The following ADAMTS13 variants were observed in gnomAD, a reference collection of about 807,000 sequenced individuals.
ADAMTS13 encodes ADAM metallopeptidase with thrombospondin type 1 motif 13.
In ADAMTS13, 110 loss-of-function variants were observed where a neutral mutation model predicts 155.1. The observed-to-expected ratio is 0.71, with a 90% CI of 0.61 to 0.83. The LOEUF is 0.83. ADAMTS13 is among the 40% of genes least tolerant of loss of function. The pLI, the probability that ADAMTS13 is intolerant of heterozygous loss-of-function variation, is 0.00. For synonymous variants in ADAMTS13, 758 were observed against 756.4 expected (o/e 1.00, Z -0.03); for missense variants, 1,707 against 1,891.7 (o/e 0.90, Z 1.81).
chr9:133,415,937 G>A (rs1839570668), intron 1 of ADAMTS13: 1 of 152,440 alleles, frequency 6.6e-6, no homozygotes, highest in Non-Finnish European at 1.5e-5. Context: ...GGCTGAGGTG[G>A]GAGGATTGCT....
intron 1 of ADAMTS13, among the ~76,000 whole-genome samples, chr9:133,416,312 A>G (rs991804389): frequency 1.3e-5 from 2 of 152,190 alleles, no homozygotes; most frequent in Middle Eastern, 3.2e-3. Flanking sequence ...ATCTACCCCC[A>G]TGACCCAATA....
At chr9:133,442,353 C>A (rs1554791013) in intron 16 of ADAMTS13, 46 bp from the exon 17 acceptor site, 6 of 1,613,468 alleles carry the variant, frequency 3.7e-6, no homozygotes, top group Non-Finnish European at 5.1e-6. Flanking sequence ...ATGACAGTGA[C>A]CCTCAGGGAA....
intron 2 of ADAMTS13, 45 bp downstream of exon 2, chr9:133,423,212 C>T: frequency 1.3e-6 from 2 of 1,570,126 alleles, no homozygotes; most frequent in Non-Finnish European, 1.8e-6. Flanking sequence ...TTTCTCAGGA[C>T]TTTCAAGGGG....
At chr9:133,443,107 C>T (rs587748389) in intron 18 of ADAMTS13, among the ~76,000 whole-genome samples, 1 of 152,310 alleles carries the variant, frequency 6.6e-6, no homozygotes, top group South Asian at 2.1e-4. Context: ...GGTGCAAAGC[C>T]CCTGGCTGTC....
intron 27 of ADAMTS13, 123 bp from the exon 28 acceptor site, chr9:133,457,787 C>A: frequency 1.5e-6 from 2 of 1,304,402 alleles, no homozygotes; most frequent in Non-Finnish European, 2.2e-6. Context: ...CAGGATTTGC[C>A]TGGGAACCCC....
In ADAMTS13 at chr9:133,425,792, C is replaced by G; in HGVS notation, c.415-146C>G. 6.8e-7 allele frequency: 1 copy of G among 1,466,016 alleles called. No individual in the cohort carries two copies. Among genetic ancestry groups the G allele is most frequent in the Non-Finnish European group, 9.3e-7 (1 of 1,079,948 alleles). The allele number at this position is 1,466,016 out of a possible 1,614,324, so 90.8% of individuals were successfully genotyped here. A position where few individuals can be genotyped will look rare whatever the true frequency, so the allele number is the denominator to read the frequency against. On this transcript the variant is annotated intron_variant, in intron 4 of 28. Transcript: ENST00000355699. The surrounding 1 kb of genome is among the most constrained non-coding windows in gnomAD (Gnocchi z 4.6). ...CCAGCACTCAGCACAGGCTGCCTGA[C>G]TACTTCTCTGAGCCTCAGTTGTCTC...
chr9:133,458,105 G>C lies in ADAMTS13; in HGVS notation c.3909+11G>C. The stretch of plus-strand genomic sequence containing the variant: ...GCCAGCTACATCTTGGTGAGGCCCA[G>C]CATGGGGACTTGTGCTGTGATTCTG... On this transcript the variant is annotated intron_variant, in intron 28 of 28. Coordinates refer to ENST00000355699, the MANE Select transcript of ADAMTS13 (RefSeq NM_139027.6). The C allele has an allele frequency of 6.2e-7, 1 of 1,612,506 alleles. No individual in the cohort carries two copies. The highest frequency in any genetic ancestry group is 8.5e-7 in the Non-Finnish European group (1 of 1,179,714).
At chr9:133,431,320 C>T (rs587752754) in intron 8 of ADAMTS13, among the ~76,000 whole-genome samples, 1 of 140,662 alleles carries the variant, frequency 7.1e-6, no homozygotes, top group South Asian at 2.4e-4. Flanking sequence ...CCTGGAAGTT[C>T]ATTTTTTCAT....
At chr9:133,432,823 G>A in intron 9 of ADAMTS13, 131 bp downstream of exon 9, 1 of 931,342 alleles carries the variant, frequency 1.1e-6, no homozygotes, top group Non-Finnish European at 1.7e-6. Context: ...TGGCCTTGGG[G>A]ACTGTCCTTT....
intron 16 of ADAMTS13, among the ~76,000 whole-genome samples, 159 bp from the exon 17 acceptor site, chr9:133,442,240 G>C (rs1342813723): frequency 6.6e-6 from 1 of 152,128 alleles, no homozygotes. Flanking sequence ...CAAAGTTTTG[G>C]GTTTACAGGC....
In ADAMTS13 at chr9:133,455,282, C is replaced by T. The variant is rs1554795390; in HGVS notation, c.3250-3C>T. ...TGTGACTCCTCCTCCCCTCTCTTGG[C>T]AGTGCTCTGTTTCCTGTGGGGATGG... is the stretch of plus-strand genomic sequence containing the variant. On this transcript the variant is annotated splice_region_variant and splice_polypyrimidine_tract_variant and intron_variant, in intron 24 of 28. Transcript: ENST00000355699. The T allele has an allele frequency of 6.2e-7, 1 of 1,601,350 alleles. No individual in the cohort carries two copies. The highest frequency in any genetic ancestry group is 2.2e-5 in the East Asian group (1 of 44,884).
intron 19 of ADAMTS13, among the ~76,000 whole-genome samples, 175 bp from the exon 20 acceptor site, chr9:133,444,688 T>C (rs1841932082): frequency 6.6e-6 from 1 of 152,186 alleles, no homozygotes; most frequent in African/African-American, 2.4e-5. Flanking sequence ...GGCTGATGAA[T>C]GGGGAACCCG....
intron 15 of ADAMTS13, 126 bp downstream of exon 15, chr9:133,439,572 T>G (rs1841509681): frequency 1.2e-6 from 1 of 825,178 alleles, no homozygotes. Flanking sequence ...ACCCTCAGGC[T>G]TGATAGTTGA....
rs782136497 is a variant in ADAMTS13 at position 133,443,508 on chromosome 9, C to G, written c.2367C>G (p.Ala789=). 6.3e-7 allele frequency: 1 copy of G among 1,581,544 alleles called. No homozygotes were observed. The highest frequency in any genetic ancestry group is 1.1e-5 in the South Asian group (1 of 87,204). Residue 789 remains alanine, a synonymous_variant, in exon 19 of 29, where the codon GCC becomes GCG. Coordinates refer to ENST00000355699, the MANE Select transcript of ADAMTS13 (RefSeq NM_139027.6). ...CCCCAGCCCGGTGCAGAGCAGGGGC[C>G]CAGCAGCCAGCTGTGGCGCTGGAAA... ...TLPPARCRAG[A]QQPAVALETC... is the part of the protein sequence containing the mutation.
Position 133,456,869 on chromosome 9 carries a change from T to C in ADAMTS13, c.3724+150T>C. ...GATGGAAGGAACTGGGGTTGGCCAGTGTCAGTCTGCACGTGCCAGGGAGGG... is the reference window on the plus strand; with the variant it reads ...GATGGAAGGAACTGGGGTTGGCCAGCGTCAGTCTGCACGTGCCAGGGAGGG... On this transcript the variant is annotated intron_variant, in intron 27 of 28. Coordinates refer to ENST00000355699, the MANE Select transcript of ADAMTS13 (RefSeq NM_139027.6). This position sits in a 1 kb window ranked among gnomAD's most constrained non-coding sequence, Gnocchi z 4.4. 9.7e-7 allele frequency: 1 copy of C among 1,027,252 alleles called. No individual in the cohort carries two copies. The highest frequency in any genetic ancestry group is 1.5e-6 in the Non-Finnish European group (1 of 682,168). 63.6% of individuals were successfully genotyped at this position (1,027,252 alleles called of 1,614,324 possible).
chr9:133,433,220 T>C (rs1840904193), intron 9 of ADAMTS13, among the ~76,000 whole-genome samples, 158 bp from the exon 10 acceptor site: 1 of 149,928 alleles, frequency 6.7e-6, no homozygotes, highest in South Asian at 2.1e-4. Flanking sequence ...GGGGGATCCC[T>C]ATGGGTGAGT....
Position 133,441,227 on chromosome 9 carries a change from C to T in ADAMTS13, c.1968+702C>T, listed in dbSNP as rs951970139. 8.5e-5 allele frequency among the ~76,000 whole-genome samples: 13 copies of T among 152,132 alleles called. No homozygotes were observed. Among genetic ancestry groups the T allele is most frequent in the Admixed American group, 5.9e-4 (9 of 15,276 alleles). On this transcript the variant is annotated intron_variant, in intron 16 of 28. Transcript: ENST00000355699. This position sits in a 1 kb window ranked among gnomAD's most constrained non-coding sequence, Gnocchi z 5.0. Reference sequence around the variant, plus strand: ...GGGAGAGGGGCCCAGTCTCAGCGGCCGGAGCAGCGTCCTCTGCCCCTACAG... The same window carrying T: ...GGGAGAGGGGCCCAGTCTCAGCGGCTGGAGCAGCGTCCTCTGCCCCTACAG...
chr9:133,417,342 T>A (rs1554781849), upstream of ADAMTS13, among the ~76,000 whole-genome samples: 1 of 152,236 alleles, frequency 6.6e-6, no homozygotes, highest in Non-Finnish European at 1.5e-5. Flanking sequence ...AAGCTAAATT[T>A]CTCTTTGTAA....
chr9:133,420,684 A>G (rs955596822), upstream of ADAMTS13, among the ~76,000 whole-genome samples: 1 of 152,202 alleles, frequency 6.6e-6, no homozygotes, highest in Admixed American at 6.5e-5. Context: ...GCTTTCCAGG[A>G]ACGCAGAATG....
Sources: allele counts gnomAD v4.1 joint callset (sites outside exome capture counted in the v4.1 genomes callset), GRCh38; gene constraint gnomAD v4.1.1; non-coding constraint Gnocchi (gnomAD v3.1); transcripts MANE v1.5; gene names NCBI Gene and HGNC (gene_info 2026-07-23, HGNC 2026-07-21).